CEP63: variants seen among roughly 807,000 people sequenced by gnomAD.
The protein encoded by CEP63 is centrosomal protein 63.
CEP63 carries 84 observed loss-of-function variants against 89.1 expected under a neutral mutation model. That is an observed-to-expected ratio of 0.94 (90% CI 0.79 to 1.13). CEP63 has a LOEUF of 1.13. CEP63 is among the 50% of genes most tolerant of loss of function. The pLI is 0.00. For synonymous variants in CEP63, 267 were observed against 272.5 expected (o/e 0.98, Z 0.20); for missense variants, 838 against 813.3 (o/e 1.03, Z -0.37).
the CEP63 span, among the ~76,000 whole-genome samples, chr3:134,734,511 A>C: frequency 6.6e-6 from 1 of 152,220 alleles, no homozygotes; most frequent in Non-Finnish European, 1.5e-5. Flanking sequence ...ACAAGTAAAC[A>C]ATATTATTAA....
At chr3:134,505,595 G>C (rs9826496) in intron 2 of CEP63, among the ~76,000 whole-genome samples, 100,349 of 151,998 alleles carry the variant, frequency 0.66, 33,523 homozygotes, top group East Asian at 0.81. Context: ...CCCCAGGCCC[G>C]TGGGTGACAT....
At chr3:134,759,031 CAGA>C in the CEP63 span, among the ~76,000 whole-genome samples, 7 of 152,268 alleles carry the variant, frequency 4.6e-5, no homozygotes, top group East Asian at 1.2e-3. Context: ...GCTTTGAAAG[CAGA>C]AGAAGGGACC....
At chr3:134,507,709 T>C (rs1943819360) in intron 3 of CEP63, among the ~76,000 whole-genome samples, 1 of 151,672 alleles carries the variant, frequency 6.6e-6, no homozygotes, top group African/African-American at 2.4e-5. Context: ...GTTAAGAGAA[T>C]CTTTAAAAAA....
At chr3:134,584,957 T>TTTTTTTTTTTG (rs1958448729) in intron 10 of CEP63, among the ~76,000 whole-genome samples, 1 of 59,878 alleles carries the variant, frequency 1.7e-5, no homozygotes, top group African/African-American at 6.4e-5. Context: ...TTTTCTAGGG[T>TTTTTTTTTTTG]TTTTTTTTTT....
chr3:134,609,507 A>C, the CEP63 span, among the ~76,000 whole-genome samples: 2 of 152,140 alleles, frequency 1.3e-5, no homozygotes, highest in African/African-American at 4.8e-5. Context: ...TAAGGTGCAA[A>C]AATCGAGAGA....
chr3:134,704,040 T>C, the CEP63 span, among the ~76,000 whole-genome samples: 27 of 152,210 alleles, frequency 1.8e-4, no homozygotes, highest in Admixed American at 1.8e-3. Flanking sequence ...CTTAACCCCA[T>C]GCTTTTATCC....
At chr3:134,642,097 T>C in the CEP63 span, among the ~76,000 whole-genome samples, 1 of 152,188 alleles carries the variant, frequency 6.6e-6, no homozygotes, top group African/African-American at 2.4e-5. Context: ...GAATTCTGGC[T>C]TAAAGGGACA....
chr3:134,594,393 G>T, the CEP63 span, among the ~76,000 whole-genome samples: 1 of 152,176 alleles, frequency 6.6e-6, no homozygotes, highest in African/African-American at 2.4e-5. Flanking sequence ...CAGCCAGGGC[G>T]AAATGATGGC....
chr3:134,497,753 A>G (rs772383873), intron 2 of CEP63, among the ~76,000 whole-genome samples: 4 of 151,858 alleles, frequency 2.6e-5, no homozygotes, highest in Non-Finnish European at 5.9e-5. Flanking sequence ...TTTTTTTAAT[A>G]TGGTGAGAGA....
At chr3:134,726,455 GACAGACACACACACACAC>G in the CEP63 span, among the ~76,000 whole-genome samples, 6 of 51,072 alleles carry the variant, frequency 1.2e-4, no homozygotes, top group African/African-American at 1.8e-4. Flanking sequence ...CAGGCACACA[GACAGACACACACACACAC>G]ACACACACAC....
intron 4 of CEP63, 51 bp downstream of exon 4, chr3:134,531,991 C>T (rs761395443): frequency 7.7e-7 from 1 of 1,296,506 alleles, no homozygotes; most frequent in Non-Finnish European, 1.1e-6. Flanking sequence ...CTCTCTTTCA[C>T]CCTTGAGAAC....
At chr3:134,592,842 T>G in the CEP63 span, among the ~76,000 whole-genome samples, 1 of 152,200 alleles carries the variant, frequency 6.6e-6, no homozygotes, top group African/African-American at 2.4e-5. Context: ...GGTTTTCTTT[T>G]TCTTTTCATC....
chr3:134,517,848 G>C (rs191669570), intron 3 of CEP63, among the ~76,000 whole-genome samples: 130 of 152,248 alleles, frequency 8.5e-4, no homozygotes, highest in African/African-American at 3.1e-3. Context: ...TTAGAAAAGA[G>C]GAAGGGCTGA....
intron 10 of CEP63, 22 bp downstream of exon 10, chr3:134,549,198 A>G: frequency 1.4e-6 from 2 of 1,379,480 alleles, no homozygotes; most frequent in Non-Finnish European, 2.1e-6. Context: ...CATACCTAGG[A>G]TTGCAAAATT....
intron 6 of CEP63, among the ~76,000 whole-genome samples, chr3:134,545,316 A>C (rs1169830377): frequency 6.6e-6 from 1 of 151,760 alleles, no homozygotes; most frequent in East Asian, 1.9e-4. Flanking sequence ...TTTTTTATAA[A>C]GACAGGGTTT....
chr3:134,708,807 G>A, the CEP63 span, among the ~76,000 whole-genome samples: 7 of 152,158 alleles, frequency 4.6e-5, no homozygotes, highest in East Asian at 7.7e-4. Flanking sequence ...TTCAGGATGC[G>A]GTGGCGACCA....
At chr3:134,763,076 C>G in the CEP63 span, among the ~76,000 whole-genome samples, 1 of 151,694 alleles carries the variant, frequency 6.6e-6, no homozygotes, top group African/African-American at 2.4e-5. Context: ...TTTTTTTTCT[C>G]TCTCTCTTTT....
Position 134,558,276 on chromosome 3 carries a change from C to CA in CEP63, c.1608dup (p.Gln537ThrfsTer3), listed in dbSNP as rs756469612. The CA allele has an allele frequency of 9.9e-6, 16 of 1,613,500 alleles. No individual in the cohort carries two copies. Among genetic ancestry groups the CA allele is most frequent in the African/African-American group, 2.7e-5 (2 of 74,858 alleles). On this transcript the variant is annotated frameshift_variant, in exon 13 of 15. Coordinates refer to ENST00000675561, the MANE Select transcript of CEP63 (RefSeq NM_001353108.3). LOFTEE classifies it high-confidence loss of function. ...AGCTGGAGATTTCTACTCAGATGTG[C>CA]AAAAAACAAAATGACAGGATCTTTA...
intron 6 of CEP63, among the ~76,000 whole-genome samples, chr3:134,544,559 C>A (rs894974984): frequency 6.7e-6 from 1 of 148,974 alleles, no homozygotes; most frequent in African/African-American, 2.5e-5. Context: ...ATTTAAAGAG[C>A]ATTTTATGGT....
Sources: allele counts gnomAD v4.1 joint callset (sites outside exome capture counted in the v4.1 genomes callset), GRCh38; gene constraint gnomAD v4.1.1; transcripts MANE v1.5; gene names NCBI Gene and HGNC (gene_info 2026-07-23, HGNC 2026-07-21).